OR7C1: variants seen among roughly 807,000 people sequenced by gnomAD.
OR7C1 encodes the protein olfactory receptor family 7 subfamily C member 1, also known as olfactory receptor 7C1.
For missense variants in OR7C1, 324 were observed against 383.3 expected (o/e 0.85, Z 1.29); for synonymous variants, 152 against 160.7 (o/e 0.95, Z 0.41).
chr19:14,805,406 ATTTTTTTTTTT>A lies in OR7C1; in HGVS notation c.-435+4389_-435+4399del, dbSNP rs33957500. On this transcript the variant is annotated intron_variant, in intron 2 of 4. Transcript: ENST00000641666. The stretch of plus-strand genomic sequence containing the variant: ...GCAGGACCCAAGAAACAGGAAAATA[ATTTTTTTTTTT>A]TTTTTTTTTTTTTTTTTAGACAGAA... Among the ~76,000 whole-genome samples, 724 of 98,102 alleles carry A rather than the reference ATTTTTTTTTTT, an allele frequency of 7.4e-3. 11 individuals carry two copies. The highest frequency in any genetic ancestry group is 0.027 in the African/African-American group (670 of 24,436). 64.4% of individuals were successfully genotyped at this position (98,102 alleles called of 152,430 possible).
chr19:14,800,156 C>T lies in OR7C1; in HGVS notation c.-13-7G>A, dbSNP rs765984373. 2.0e-6 allele frequency: 3 copies of T among 1,517,294 alleles called. No homozygotes were observed. In the African/African-American group the frequency reaches 4.2e-5, roughly 21 times the overall value. The allele number at this position is 1,517,294 out of a possible 1,614,324, so 94.0% of individuals were successfully genotyped here. A position where few individuals can be genotyped will look rare whatever the true frequency, so the allele number is the denominator to read the frequency against. ...TTCCATGGGGATAAAATAACTGCCA[C>T]AAGAGAGAAAAAAGCAACAGTCAAT... On this transcript the variant is annotated splice_region_variant and splice_polypyrimidine_tract_variant and intron_variant, in intron 4 of 4. Coordinates refer to ENST00000641666, the Ensembl canonical transcript of OR7C1.
intron 1 of OR7C1, among the ~76,000 whole-genome samples, chr19:14,828,625 G>A (rs1210139825): frequency 6.6e-6 from 1 of 151,868 alleles, no homozygotes; most frequent in African/African-American, 2.4e-5. Context: ...CTGGTGTAGT[G>A]GCATGCGCCT....
intron 1 of OR7C1, among the ~76,000 whole-genome samples, chr19:14,833,434 G>C (rs12976978): frequency 0.17 from 26,192 of 152,232 alleles, 2,864 homozygotes; most frequent in Non-Finnish European, 0.24. Flanking sequence ...AGCCAAGATC[G>C]CACCACTGCA....
In OR7C1 at chr19:14,820,165, G is replaced by GCCTC. The variant is rs1370539476; in HGVS notation, c.-622-10176_-622-10173dup. 3.3e-5 allele frequency among the ~76,000 whole-genome samples: 5 copies of GCCTC among 152,132 alleles called. No individual in the cohort carries two copies. The East Asian group carries it at 9.6e-4, about 29-fold the overall frequency. ...GCCTCAGGTTGATCTGCCCACCTTG[G>GCCTC]CCTCCCAAAGTGCTGGGATTACAGG... On this transcript the variant is annotated intron_variant, in intron 1 of 4. Coordinates refer to ENST00000641666, the Ensembl canonical transcript of OR7C1.
At chr19:14,806,962 TG>T (rs1400687633) in intron 2 of OR7C1, among the ~76,000 whole-genome samples, 1 of 152,002 alleles carries the variant, frequency 6.6e-6, no homozygotes, top group Non-Finnish European at 1.5e-5. Context: ...ATTGCCACAT[TG>T]TCTTCCACAA....
exon 5 of OR7C1, chr19:14,798,923 A>T: frequency 5.6e-6 from 2 of 357,284 alleles, no homozygotes; most frequent in Non-Finnish European, 9.9e-6. Flanking sequence ...TTGCTTATCT[A>T]TGTCTGCAGC....
chr19:14,814,859 C>T (rs1163010037), intron 1 of OR7C1, among the ~76,000 whole-genome samples: 1 of 152,148 alleles, frequency 6.6e-6, no homozygotes, highest in Non-Finnish European at 1.5e-5. Context: ...TTTCATGGTT[C>T]ACTACACAAC....
intron 1 of OR7C1, among the ~76,000 whole-genome samples, chr19:14,822,663 T>G (rs2044746759): frequency 6.6e-6 from 1 of 152,150 alleles, no homozygotes; most frequent in Admixed American, 6.5e-5. Flanking sequence ...ATTACAGGCA[T>G]GAGCCACCGC....
chr19:14,825,494 T>C (rs2044761363), intron 1 of OR7C1: 3 of 152,236 alleles, frequency 2.0e-5, no homozygotes, highest in Admixed American at 2.0e-4. Flanking sequence ...CAGGATCTTT[T>C]CATTTGCTTT....
At chr19:14,809,588 C>A (rs1019713203) in intron 2 of OR7C1, among the ~76,000 whole-genome samples, 1 of 151,386 alleles carries the variant, frequency 6.6e-6, no homozygotes, top group Non-Finnish European at 1.5e-5. Flanking sequence ...AGATTGAAAG[C>A]AAGAAGAAAC....
intron 1 of OR7C1, among the ~76,000 whole-genome samples, chr19:14,811,790 A>G (rs1219236149): frequency 1.3e-5 from 2 of 151,854 alleles, no homozygotes; most frequent in Non-Finnish European, 2.9e-5. Context: ...ACTGTAATTC[A>G]CCTATTAAAA....
chr19:14,813,639 T>G (rs1422969122), intron 1 of OR7C1, among the ~76,000 whole-genome samples: 1 of 152,008 alleles, frequency 6.6e-6, no homozygotes, highest in East Asian at 1.9e-4. Context: ...TGGGGAGGCC[T>G]CAGGAAACTT....
exon 5 of OR7C1, chr19:14,799,102 A>C (rs2044625482): frequency 2.0e-6 from 3 of 1,505,720 alleles, no homozygotes; most frequent in Admixed American, 2.3e-5. Flanking sequence ...CAGAACTAAA[A>C]GAGAATACAT....
At chr19:14,831,637 G>T (rs1260066091) in intron 1 of OR7C1, among the ~76,000 whole-genome samples, 1 of 151,966 alleles carries the variant, frequency 6.6e-6, no homozygotes, top group Non-Finnish European at 1.5e-5. Flanking sequence ...TAGAGATGGG[G>T]TTTCACCATG....
At chr19:14,821,672 T>C (rs1471358615) in intron 1 of OR7C1, among the ~76,000 whole-genome samples, 2 of 152,130 alleles carry the variant, frequency 1.3e-5, no homozygotes, top group Non-Finnish European at 2.9e-5. Context: ...GGTACCCTTA[T>C]CATATATGAT....
chr19:14,825,539 A>G (rs2044761650), intron 1 of OR7C1: 2 of 152,208 alleles, frequency 1.3e-5, no homozygotes, highest in South Asian at 4.1e-4. Flanking sequence ...AGTGTCCCTC[A>G]AGGGAACTTG....
At chr19:14,823,443 C>T (rs886999987) in intron 1 of OR7C1, among the ~76,000 whole-genome samples, 54 of 152,114 alleles carry the variant, frequency 3.5e-4, no homozygotes, top group African/African-American at 1.3e-3. Context: ...CAGAGCAAGA[C>T]TCCGTCTAAA....
intron 1 of OR7C1, among the ~76,000 whole-genome samples, chr19:14,820,832 T>G (rs2044737715): frequency 6.6e-6 from 1 of 152,174 alleles, no homozygotes; most frequent in Non-Finnish European, 1.5e-5. Flanking sequence ...GGAACGGAAT[T>G]GGACTAGAGA....
chr19:14,827,231 T>G, intron 1 of OR7C1: 1 of 1,484,396 alleles, frequency 6.7e-7, no homozygotes, highest in Non-Finnish European at 9.0e-7. Context: ...CTATTTCCAC[T>G]ATCTGATTGA....
Sources: allele counts gnomAD v4.1 joint callset (sites outside exome capture counted in the v4.1 genomes callset), GRCh38; gene constraint gnomAD v4.1.1; transcripts MANE v1.5; gene names NCBI Gene and HGNC (gene_info 2026-07-23, HGNC 2026-07-21).